Variants in NF1 observed in about 807,000 individuals in gnomAD.
NF1 encodes the protein neurofibromin.
Under a neutral mutation model 325.7 loss-of-function variants are expected in NF1, and 122 were observed. That is an observed-to-expected ratio of 0.37 (90% CI 0.32 to 0.44). The LOEUF (loss-of-function observed/expected upper bound fraction) is 0.44, where lower values mean the gene tolerates loss of function less well. NF1 is among the 20% of genes least tolerant of loss of function. The pLI, the probability that NF1 is intolerant of heterozygous loss-of-function variation, is 1.00. For missense variants in NF1, 2,140 were observed against 3,415.4 expected (o/e 0.63, Z 9.31); for synonymous variants, 1,091 against 1,186.0 (o/e 0.92, Z 1.65).
chr17:31,132,960 C>T (rs1260700429), intron 1 of NF1, among the ~76,000 whole-genome samples: 1 of 152,164 alleles, frequency 6.6e-6, no homozygotes, highest in Non-Finnish European at 1.5e-5. Flanking sequence ...AACCACCGTG[C>T]CTGGCCTTAA....
At chr17:31,182,374 A>G (rs1437717226) in intron 7 of NF1, 134 bp from the exon 8 acceptor site, 1 of 743,436 alleles carries the variant, frequency 1.3e-6, no homozygotes, top group South Asian at 1.7e-5. Flanking sequence ...GCATTTGTGT[A>G]GTTGCTTAAA....
Position 31,162,637 on chromosome 17 carries a change from T to G in NF1, c.289-549T>G, listed in dbSNP as rs1288628524. Among the ~76,000 whole-genome samples the G allele has an allele frequency of 2.0e-5, 3 of 152,184 alleles. No individual in the cohort carries two copies. The East Asian group carries it at 5.8e-4, about 29-fold the overall frequency. ...TGTATTGAAGTTACATTAGAGAAAA[T>G]TCTTTTAAGAGATGCCAAGGCACAT... On this transcript the variant is annotated intron_variant, in intron 3 of 57. Transcript: ENST00000358273.
At chr17:31,305,679 G>C in intron 36 of NF1, 1 of 1,497,858 alleles carries the variant, frequency 6.7e-7, no homozygotes, top group Admixed American at 2.3e-5. Context: ...CGTCATTGGT[G>C]TCTAGTTAAA....
At chr17:31,179,472 A>G (rs2066085220) in intron 5 of NF1, among the ~76,000 whole-genome samples, 1 of 152,224 alleles carries the variant, frequency 6.6e-6, no homozygotes, top group Non-Finnish European at 1.5e-5. Flanking sequence ...AAGAGCAAAC[A>G]AATTCAAAAG....
At chr17:31,263,435 G>T (rs17883568) in intron 35 of NF1, among the ~76,000 whole-genome samples, 3 of 150,334 alleles carry the variant, frequency 2.0e-5, no homozygotes, top group Middle Eastern at 3.5e-3. Flanking sequence ...TATAAATAAA[G>T]AAATAAGTAA....
In NF1 at chr17:31,163,215, A is replaced by G. The variant is rs2143670842; in HGVS notation, c.318A>G (p.Glu106=). 6.2e-7 allele frequency: 1 copy of G among 1,614,196 alleles called. No homozygotes were observed. ...GQPKDTMRLD[E]TMLVKQLLPE... ...CAAAGGACACAATGAGATTAGATGA[A>G]ACGATGCTGGTCAAACAGTTGCTGC... The change falls in exon 4 of 58, where the codon GAA becomes GAG. Residue 106 remains glutamate, a synonymous_variant. Transcript: ENST00000358273.
At chr17:31,350,737 A>T (rs986849510) in intron 50 of NF1, among the ~76,000 whole-genome samples, 2 of 152,204 alleles carry the variant, frequency 1.3e-5, no homozygotes, top group Non-Finnish European at 2.9e-5. Context: ...CATATCACAC[A>T]AGTTATTTAA....
Position 31,229,188 on chromosome 17 carries a change from C to G in NF1, c.2573C>G (p.Ser858Cys), listed in dbSNP as rs369493270. 1.4e-5 allele frequency: 23 copies of G among 1,611,856 alleles called. No individual in the cohort carries two copies. The highest frequency in any genetic ancestry group is 1.9e-5 in the Non-Finnish European group (23 of 1,179,836). The change falls in exon 21 of 58, where the codon TCT becomes TGT. Residue 858 changes from serine (S) to cysteine (C), a missense_variant. Ser to Cys is a moderately radical substitution (Grantham distance 112, BLOSUM62 -1). This residue lies in a region of NF1 where 380 missense variants were observed against 639.3 expected (regional missense o/e 0.59). Coordinates refer to ENST00000358273, the MANE Select transcript of NF1 (RefSeq NM_001042492.3). Reference protein sequence around the residue: ...GGVCLQQRSNSGLATYSPPMG... With the variant: ...GGVCLQQRSNCGLATYSPPMG... ...GTGTGCCTCCAGCAGAGAAGCAATT[C>G]TGGCCTGGCAACCTATAGCCCACCC...
rs886052799 is a variant in NF1, at chr17:31,225,087, T to A, written c.1846-8T>A. The A allele has an allele frequency of 5.0e-6, 8 of 1,613,322 alleles. No individual in the cohort carries two copies. The highest frequency in any genetic ancestry group is 6.8e-6 in the Non-Finnish European group (8 of 1,179,556). ...TTCAGTAAAGCTTATTTATTTATTT[T>A]TTTCTAGCAGGCAGATAGAAGTTCC... On this transcript the variant is annotated splice_region_variant and splice_polypyrimidine_tract_variant and intron_variant, in intron 16 of 57. Transcript: ENST00000358273.
chr17:31,296,593 T>TC (rs1389828435), intron 36 of NF1: 5 of 456,976 alleles, frequency 1.1e-5, no homozygotes, highest in Non-Finnish European at 2.0e-5. Context: ...TCTCTCTCCC[T>TC]CCCCCCTTTT....
intron 51 of NF1, among the ~76,000 whole-genome samples, chr17:31,354,596 G>A (rs140037244): frequency 1.7e-4 from 26 of 152,304 alleles, no homozygotes; most frequent in Non-Finnish European, 3.5e-4. Flanking sequence ...GGAGAGACAG[G>A]AAGAGATTTT....
intron 2 of NF1, among the ~76,000 whole-genome samples, chr17:31,157,517 T>G (rs1458752099): frequency 1.3e-5 from 2 of 152,194 alleles, no homozygotes. Flanking sequence ...CATACAATAA[T>G]TGTACATGTT....
rs1597626009 is a variant in NF1 at position 31,156,063 on chromosome 17, C to A, written c.141C>A (p.Ser47=). The change falls in exon 2 of 58, where the codon TCC becomes TCA. Residue 47 remains serine, a synonymous_variant. Transcript: ENST00000358273. ...ACAAGGAATGTCTAATCAATATTTC[C>A]AAATACAAGTTTTCTTTGGTTATAA... ...EHNKECLINI[S]KYKFSLVISG... is the part of the protein sequence containing the mutation. The A allele has an allele frequency of 6.2e-7, 1 of 1,613,414 alleles. No homozygotes were observed. The highest frequency in any genetic ancestry group is 8.5e-7 in the Non-Finnish European group (1 of 1,179,746).
chr17:31,145,048 A>G (rs1264036345), intron 1 of NF1, among the ~76,000 whole-genome samples: 1 of 152,026 alleles, frequency 6.6e-6, no homozygotes, highest in Non-Finnish European at 1.5e-5. Flanking sequence ...CATCCCCTAG[A>G]TTTTCCTCTT....
intron 57 of NF1, among the ~76,000 whole-genome samples, chr17:31,372,498 T>A (rs1597881516): frequency 1.3e-5 from 2 of 152,170 alleles, no homozygotes; most frequent in African/African-American, 4.8e-5. Context: ...CTTAGTGAAC[T>A]TTTAAAATGT....
chr17:31,362,577 T>G (rs1251816766), intron 57 of NF1, among the ~76,000 whole-genome samples: 4 of 152,250 alleles, frequency 2.6e-5, no homozygotes, highest in African/African-American at 9.6e-5. Context: ...TTATTGCTAA[T>G]TCATTACTTC....
At chr17:31,102,850 A>AT (rs1234960476) in intron 1 of NF1, among the ~76,000 whole-genome samples, 177 of 140,390 alleles carry the variant, frequency 1.3e-3, no homozygotes, top group South Asian at 6.3e-3. Flanking sequence ...CTTCTTCTTC[A>AT]TTTTTTTTTT....
At chr17:31,305,182 A>T (rs770465192) in intron 36 of NF1, 1 of 1,614,118 alleles carries the variant, frequency 6.2e-7, no homozygotes, top group Non-Finnish European at 8.5e-7. Context: ...AAAAGTATAG[A>T]CAAATGACTT....
chr17:31,362,447 T>A (rs2070421540), intron 57 of NF1: 1 of 674,378 alleles, frequency 1.5e-6, no homozygotes, highest in Non-Finnish European at 1.8e-6. Flanking sequence ...TTTATACAGT[T>A]CTTATCTAGA....
Sources: gnomAD v4.1 joint callset for allele counts (sites outside exome capture counted in the v4.1 genomes callset) on GRCh38, gnomAD v4.1.1 for gene constraint, gnomAD v4.1.1 regional missense constraint, MANE v1.5 for transcripts, NCBI Gene and HGNC (gene_info 2026-07-23, HGNC 2026-07-21) for gene names.